PPFIA3: variants seen among roughly 807,000 people sequenced by gnomAD.
The protein encoded by PPFIA3 is liprin-alpha-3.
Under a neutral mutation model 145.8 loss-of-function variants are expected in PPFIA3, and 26 were observed. The observed-to-expected ratio is 0.18, with a 90% confidence interval of 0.13 to 0.25. PPFIA3 has a LOEUF of 0.25. Ranked by LOEUF, PPFIA3 falls within the 10% of genes least tolerant of loss-of-function variation. The pLI is 1.00. For synonymous variants in PPFIA3, 645 were observed against 661.4 expected, an observed-to-expected ratio of 0.98 and a Z score of 0.38; for missense variants, 1,008 against 1,587.8, an observed-to-expected ratio of 0.63 and a Z score of 6.21.
intron 4 of PPFIA3, 93 bp from the exon 5 acceptor site, chr19:49,129,287 A>T: frequency 7.4e-7 from 1 of 1,343,758 alleles, no homozygotes; most frequent in South Asian, 1.4e-5. Context: ...ACGCTGCCCT[A>T]TCGGATCCGT....
chr19:49,119,794 C>G (rs2122496162), intron 1 of PPFIA3, 72 bp downstream of exon 1: 1 of 152,262 alleles, frequency 6.6e-6, no homozygotes, highest in Non-Finnish European at 1.5e-5. Context: ...CCCGCCTCCC[C>G]GAGATCCCGG....
At chr19:49,136,571 T>A (rs1475526461) in intron 14 of PPFIA3, among the ~76,000 whole-genome samples, 153 bp from the exon 15 acceptor site, 1 of 151,926 alleles carries the variant, frequency 6.6e-6, no homozygotes, top group Non-Finnish European at 1.5e-5. Context: ...AGAATGAGAC[T>A]CTGTCTCAAG....
intron 1 of PPFIA3, among the ~76,000 whole-genome samples, chr19:49,124,733 C>T (rs1282536855): frequency 1.3e-5 from 2 of 152,124 alleles, no homozygotes; most frequent in Non-Finnish European, 2.9e-5. Flanking sequence ...CTCCCCAAAA[C>T]ATCTGTGTTG....
At position 49,130,596 on chromosome 19, in the gene PPFIA3, G is replaced by A. The variant is rs942893690; in HGVS notation, c.876G>A (p.Lys292=). 6.4e-7 allele frequency: 1 copy of A among 1,552,156 alleles called. No homozygotes were observed. The highest frequency in any genetic ancestry group is 2.3e-4 in the Middle Eastern group (1 of 4,378). Residue 292 remains lysine, a synonymous_variant, in exon 7 of 30, where the codon AAG becomes AAA. Coordinates refer to ENST00000334186, the MANE Select transcript of PPFIA3 (RefSeq NM_003660.4). The surrounding 1 kb of genome is among the most constrained non-coding windows in gnomAD (Gnocchi z 4.5). ...ACTCCAAGCTGCAGCGCGACCTCAA[G>A]GAGGTGAGGCCCCCAGGGAGGCGGG... The part of the protein sequence containing the change: ...EANSKLQRDL[K]EALAQREDME...
At chr19:49,127,774 T>A in intron 1 of PPFIA3, 85 bp from the exon 2 acceptor site, 1 of 1,500,186 alleles carries the variant, frequency 6.7e-7, no homozygotes, top group East Asian at 2.4e-5. Flanking sequence ...CTATTTCCCC[T>A]ACGTGGTATC....
At position 49,149,408 on chromosome 19, in the gene PPFIA3, A is replaced by C; in HGVS notation, c.3354+83A>C. On this transcript the variant is annotated intron_variant, in intron 27 of 29. Coordinates refer to ENST00000334186, the MANE Select transcript of PPFIA3 (RefSeq NM_003660.4). This position sits in a 1 kb window ranked among gnomAD's most constrained non-coding sequence, Gnocchi z 5.7. ...CTGAGGGGGCGGGGCCTGACTATTA[A>C]TGGTCACGGTTGGAGGCGGGGCCAG... 3 of 1,585,990 alleles carry C rather than the reference A, an allele frequency of 1.9e-6. No individual in the cohort carries two copies. The highest frequency in any genetic ancestry group is 2.6e-6 in the Non-Finnish European group (3 of 1,155,266).
At position 49,128,746 on chromosome 19, in the gene PPFIA3, C is replaced by G; in HGVS notation, c.343-102C>G. ...TGTCTCGGTGCTCCTTTATATGGCT[C>G]CATCTTTTCCTCCATGTGTCCGCCC... On this transcript the variant is annotated intron_variant, in intron 3 of 29. Transcript: ENST00000334186. This position sits in a 1 kb window ranked among gnomAD's most constrained non-coding sequence, Gnocchi z 4.1. 1 of 1,174,324 alleles carries G rather than the reference C, an allele frequency of 8.5e-7. No individual in the cohort carries two copies. The highest frequency in any genetic ancestry group is 1.2e-6 in the Non-Finnish European group (1 of 835,362). The allele number at this position is 1,174,324 out of a possible 1,614,324, so 72.7% of individuals were successfully genotyped here. A position where few individuals can be genotyped will look rare whatever the true frequency, so the allele number is the denominator to read the frequency against.
Position 49,149,363 on chromosome 19 carries a change from C to CGGCT in PPFIA3, c.3354+39_3354+42dup. ...ACAGCTCAGAGGGCTCTGCTCCCAG[C>CGGCT]GGCTCCTCGAGAGGCTGAGCTGAGG... is the stretch of plus-strand genomic sequence containing the variant. On this transcript the variant is annotated intron_variant, in intron 27 of 29. Coordinates refer to ENST00000334186, the MANE Select transcript of PPFIA3 (RefSeq NM_003660.4). This position sits in a 1 kb window ranked among gnomAD's most constrained non-coding sequence, Gnocchi z 5.7. 6.2e-7 allele frequency: 1 copy of CGGCT among 1,610,820 alleles called. No individual in the cohort carries two copies. Among genetic ancestry groups the CGGCT allele is most frequent in the Non-Finnish European group, 8.5e-7 (1 of 1,177,376 alleles).
rs45475799 is a variant in PPFIA3, at chr19:49,139,839, G to T, written c.2240+8G>T. ...GGGACCCCCACGGGGAAGGTCAGCA[G>T]GGACAAGGGATAGGGACAGGGAGAA... On this transcript the variant is annotated splice_region_variant and intron_variant, in intron 17 of 29. Coordinates refer to ENST00000334186, the MANE Select transcript of PPFIA3 (RefSeq NM_003660.4). 0.018 allele frequency: 28,729 copies of T among 1,609,698 alleles called. 791 individuals carry two copies. The highest frequency in any genetic ancestry group is 0.13 in the African/African-American group (9,808 of 74,938).
At chr19:49,129,947 G>T in intron 5 of PPFIA3, 46 bp from the exon 6 acceptor site, 1 of 1,595,050 alleles carries the variant, frequency 6.3e-7, no homozygotes, top group South Asian at 1.1e-5. Context: ...CTAGAGCTGG[G>T]GGTTCAGGGA....
At position 49,134,707 on chromosome 19, in the gene PPFIA3, G is replaced by A. The variant is rs780517326; in HGVS notation, c.1440+6G>A. 12 of 1,613,656 alleles carry A rather than the reference G, an allele frequency of 7.4e-6. No homozygotes were observed. The highest frequency in any genetic ancestry group is 1.7e-5 in the Admixed American group (1 of 60,002). On this transcript the variant is annotated splice_donor_region_variant and intron_variant, in intron 12 of 29. Transcript: ENST00000334186. The stretch of plus-strand genomic sequence containing the variant: ...ATGAGTTGCTGCTAAACAAGGTAGG[G>A]GGCCCTGAGGGGACAGGAGGAGGAT...
rs545196559 is a variant in PPFIA3, at chr19:49,131,271, C to T, written c.879+672C>T. ...GCAACCTCTGCCTCCCAGGTTCAAG[C>T]GATTCTCCTGCCTCAGCCTCCCTAG... On this transcript the variant is annotated intron_variant, in intron 7 of 29. Coordinates refer to ENST00000334186, the MANE Select transcript of PPFIA3 (RefSeq NM_003660.4). 6.3e-3 allele frequency among the ~76,000 whole-genome samples: 900 copies of T among 142,408 alleles called. 5 individuals are homozygous for T. The highest frequency in any genetic ancestry group is 9.5e-3 in the Non-Finnish European group (625 of 65,914). The allele number at this position is 142,408 out of a possible 152,430, so 93.4% of individuals were successfully genotyped here.
intron 23 of PPFIA3, 130 bp downstream of exon 23, chr19:49,146,322 G>T: frequency 2.5e-6 from 3 of 1,213,080 alleles, no homozygotes. Flanking sequence ...GCTGCGCCAA[G>T]CTTGGCTCTG....
intron 1 of PPFIA3, among the ~76,000 whole-genome samples, chr19:49,122,685 T>C (rs1246945938): frequency 6.6e-6 from 1 of 151,778 alleles, no homozygotes; most frequent in Non-Finnish European, 1.5e-5. Context: ...TAATTGCACA[T>C]TCTTTTTTGT....
In PPFIA3 at chr19:49,133,230, C is replaced by A; in HGVS notation, c.1027-7C>A. On this transcript the variant is annotated splice_region_variant and splice_polypyrimidine_tract_variant and intron_variant, in intron 8 of 29. Transcript: ENST00000334186. The surrounding 1 kb of genome is among the most constrained non-coding windows in gnomAD (Gnocchi z 7.2). ...CCGTCCCCTCCCCCTGCCTCTCCCT[C>A]CCCCAGAGTGAAGAGAAGAGCCGTC... is the stretch of plus-strand genomic sequence containing the variant. 1 of 1,600,954 alleles carries A rather than the reference C, an allele frequency of 6.2e-7. No individual in the cohort carries two copies. The highest frequency in any genetic ancestry group is 8.5e-7 in the Non-Finnish European group (1 of 1,172,658).
chr19:49,144,422 G>A (rs1031168487), intron 21 of PPFIA3, among the ~76,000 whole-genome samples: 6 of 152,140 alleles, frequency 3.9e-5, no homozygotes, highest in African/African-American at 9.7e-5. Context: ...GTGTCAGCAC[G>A]TAAGTTTAGG....
chr19:49,129,573 G>A, intron 5 of PPFIA3, 119 bp downstream of exon 5: 1 of 1,082,818 alleles, frequency 9.2e-7, no homozygotes, highest in Non-Finnish European at 1.3e-6. Flanking sequence ...GACTAGGGCA[G>A]ACAAGCTATG....
chr19:49,134,492 C>T (rs1159691303), intron 11 of PPFIA3, 147 bp from the exon 12 acceptor site: 2 of 785,340 alleles, frequency 2.5e-6, no homozygotes, highest in African/African-American at 1.7e-5. Context: ...AACATCGTTG[C>T]CCCTGCTCCC....
Position 49,139,796 on chromosome 19 carries a change from G to A in PPFIA3, c.2205G>A (p.Ala735=), listed in dbSNP as rs376973066. ...TGACCCAGGCCTTGGCACTGCAGGC[G>A]GGGTCCCTGGAAGATGGGGGACCCC... is the stretch of plus-strand genomic sequence containing the variant. ...ERMTQALALQ[A]GSLEDGGPPR... is the part of the protein sequence containing the mutation. The change falls in exon 17 of 30, where the codon GCG becomes GCA. Residue 735 remains alanine, a synonymous_variant. Transcript: ENST00000334186. 87 of 1,612,540 alleles carry A rather than the reference G, an allele frequency of 5.4e-5. No homozygotes were observed. The African/African-American group carries it at 7.1e-4, about 13-fold the overall frequency.
Sources: allele counts gnomAD v4.1 joint callset (sites outside exome capture counted in the v4.1 genomes callset), GRCh38; gene constraint gnomAD v4.1.1; non-coding constraint Gnocchi (gnomAD v3.1); transcripts MANE v1.5; gene names NCBI Gene and HGNC (gene_info 2026-07-23, HGNC 2026-07-21).